Variants in DCHS2 observed in about 807,000 individuals in gnomAD.
DCHS2 encodes the protein dachsous cadherin-related 2.
DCHS2 carries 142 observed loss-of-function variants against 182.4 expected under a neutral mutation model. The ratio of observed to expected loss-of-function variants is 0.78; its 90% CI spans 0.68 to 0.89. DCHS2 has a LOEUF of 0.89. Ranked by LOEUF, DCHS2 falls within the 40% of genes least tolerant of loss-of-function variation. The pLI, the probability that DCHS2 is intolerant of heterozygous loss-of-function variation, is 0.00. For synonymous variants in DCHS2, 1,740 were observed against 1,663.3 expected (o/e 1.05, Z -1.12); for missense variants, 4,319 against 4,198.6 (o/e 1.03, Z -0.79).
intron 1 of DCHS2, among the ~76,000 whole-genome samples, chr4:154,465,074 T>C (rs564670071): frequency 6.6e-6 from 1 of 152,340 alleles, no homozygotes; most frequent in East Asian, 1.9e-4. Context: ...CCAAATTTAG[T>C]GGCTTAAAAC....
At chr4:154,407,899 A>G (rs1486221332) in intron 1 of DCHS2, among the ~76,000 whole-genome samples, 1 of 152,050 alleles carries the variant, frequency 6.6e-6, no homozygotes, top group East Asian at 1.9e-4. Context: ...CTCTTTTTTC[A>G]TGACCCCTTT....
rs371079845 is a variant in DCHS2, at chr4:154,298,189, G to A, written c.6125C>T (p.Pro2042Leu). The change falls in exon 13 of 20, where the codon CCT (proline) becomes CTT (leucine). Residue 2042 changes from proline (P) to leucine (L), a missense_variant. Physicochemically the swap from Pro to Leu is moderately conservative, Grantham distance 98 (BLOSUM62 -3). Coordinates refer to ENST00000357232, the MANE Select transcript of DCHS2 (RefSeq NM_001358235.2). ...NDNDPVLEQNPFDVFLSPESP... is the reference protein window; with the variant it reads ...NDNDPVLEQNLFDVFLSPESP... Reference sequence around the variant, plus strand: ...CTCGGGGGAAAGAAACACATCAAAAGGGTTCTGTTCCAAAACTGGATCATT... The same window carrying A: ...CTCGGGGGAAAGAAACACATCAAAAAGGTTCTGTTCCAAAACTGGATCATT... 5 of 1,614,086 alleles carry A rather than the reference G, an allele frequency of 3.1e-6. No individual in the cohort carries two copies. The highest frequency in any genetic ancestry group is 4.2e-6 in the Non-Finnish European group (5 of 1,179,994).
chr4:154,292,489 T>C (rs1734713219), intron 13 of DCHS2, among the ~76,000 whole-genome samples: 1 of 152,204 alleles, frequency 6.6e-6, no homozygotes, highest in Non-Finnish European at 1.5e-5. Context: ...CACAGCTGAC[T>C]CCAGAATTCA....
Position 154,366,300 on chromosome 4 carries a change from T to C in DCHS2, c.2386A>G (p.Thr796Ala). ...CCATATATCCCAGAGTCCTGGTCAG[T>C]GGCAAGAACATTGATGATCTCGGTG... Reference protein sequence around the residue: ...PGTEIINVLATDQDSGIYGTV... With the variant: ...PGTEIINVLAADQDSGIYGTV... The change falls in exon 3 of 20, where the codon ACT becomes GCT. Residue 796 changes from threonine to alanine, a missense_variant. Coordinates refer to ENST00000357232, the MANE Select transcript of DCHS2 (RefSeq NM_001358235.2). 1 of 1,613,804 alleles carries C rather than the reference T, an allele frequency of 6.2e-7. No homozygotes were observed. The highest frequency in any genetic ancestry group is 8.5e-7 in the Non-Finnish European group (1 of 1,179,924).
At chr4:154,275,792 G>T (rs1054036175) in intron 13 of DCHS2, among the ~76,000 whole-genome samples, 5 of 152,078 alleles carry the variant, frequency 3.3e-5, no homozygotes, top group Admixed American at 6.6e-5. Flanking sequence ...AATTACAAAA[G>T]AAAACATAGT....
chr4:154,333,762 C>A, intron 4 of DCHS2: 32 of 424,854 alleles, frequency 7.5e-5, no homozygotes, highest in Non-Finnish European at 1.1e-4. Flanking sequence ...AGCCTAGGAG[C>A]AATCGACTGT....
At chr4:154,464,342 G>A (rs1054584480) in intron 1 of DCHS2, among the ~76,000 whole-genome samples, 1 of 152,116 alleles carries the variant, frequency 6.6e-6, no homozygotes, top group Admixed American at 6.6e-5. Flanking sequence ...GATTACACAA[G>A]ATTCCTGATT....
At chr4:154,288,800 A>G (rs1388003820) in intron 13 of DCHS2, among the ~76,000 whole-genome samples, 1 of 152,184 alleles carries the variant, frequency 6.6e-6, no homozygotes, top group African/African-American at 2.4e-5. Flanking sequence ...ACACATGAAA[A>G]TTAAACAATA....
chr4:154,326,250 A>T (rs1736278662), intron 7 of DCHS2, among the ~76,000 whole-genome samples: 1 of 152,136 alleles, frequency 6.6e-6, no homozygotes, highest in African/African-American at 2.4e-5. Flanking sequence ...CTTTTCTTTG[A>T]GTTGTCTGTT....
In DCHS2 at chr4:154,259,776, G is replaced by GA. The variant is rs758924899; in HGVS notation, c.6578-21dup. 17 of 1,571,762 alleles carry GA rather than the reference G, an allele frequency of 1.1e-5. No individual in the cohort carries two copies. The highest frequency in any genetic ancestry group is 1.7e-4 in the Middle Eastern group (1 of 5,854). ...GTTGTCCTATTTTTATTTCCAAGGA[G>GA]AAAAAAAAGAAAATGATGTTGTAGT... is the stretch of plus-strand genomic sequence containing the variant. On this transcript the variant is annotated intron_variant, in intron 14 of 19. Coordinates refer to ENST00000357232, the MANE Select transcript of DCHS2 (RefSeq NM_001358235.2).
intron 1 of DCHS2, among the ~76,000 whole-genome samples, chr4:154,463,736 C>G (rs1735119774): frequency 6.6e-6 from 1 of 151,880 alleles, no homozygotes; most frequent in Non-Finnish European, 1.5e-5. Context: ...CTGTCTCTCT[C>G]TCCCTCCTTC....
intron 13 of DCHS2, among the ~76,000 whole-genome samples, chr4:154,286,670 A>G (rs765835284): frequency 2.0e-5 from 3 of 152,100 alleles, no homozygotes; most frequent in Non-Finnish European, 4.4e-5. Flanking sequence ...AGGAGACAAA[A>G]GAAAAAAGGA....
rs541333935 is a variant in DCHS2, at chr4:154,329,399, C to T, written c.3918+124G>A. On this transcript the variant is annotated intron_variant, in intron 6 of 19. Coordinates refer to ENST00000357232, the MANE Select transcript of DCHS2 (RefSeq NM_001358235.2). ...AACATGTGCACAGTATCTAGGTCTTCTAGAAAAAGTATGCTTTGCCACACC... is the reference window on the plus strand; with the variant it reads ...AACATGTGCACAGTATCTAGGTCTTTTAGAAAAAGTATGCTTTGCCACACC... 1.0e-4 allele frequency: 99 copies of T among 994,322 alleles called. No homozygotes were observed. In the African/African-American group the frequency reaches 1.3e-3, roughly 13 times the overall value. 61.6% of individuals were successfully genotyped at this position (994,322 alleles called of 1,614,324 possible).
At chr4:154,329,733 A>C (rs1199332106) in intron 5 of DCHS2, 23 bp from the exon 6 acceptor site, 2 of 1,594,896 alleles carry the variant, frequency 1.3e-6, no homozygotes, top group East Asian at 4.5e-5. Flanking sequence ...GAGCAGAACA[A>C]GACACAGGCA....
intron 13 of DCHS2, among the ~76,000 whole-genome samples, chr4:154,291,324 C>G (rs527973070): frequency 3.3e-5 from 5 of 151,986 alleles, no homozygotes; most frequent in African/African-American, 9.6e-5. Context: ...AAAGGGGAAT[C>G]CTTATACGCT....
chr4:154,265,202 C>T (rs1189339163), intron 14 of DCHS2, among the ~76,000 whole-genome samples: 1 of 152,050 alleles, frequency 6.6e-6, no homozygotes, highest in Non-Finnish European at 1.5e-5. Context: ...TACACCAGCA[C>T]CGTCAGGAAA....
intron 1 of DCHS2, among the ~76,000 whole-genome samples, chr4:154,381,424 G>T (rs1330169567): frequency 6.6e-6 from 1 of 152,032 alleles, no homozygotes; most frequent in African/African-American, 2.4e-5. Context: ...CACAGTACGG[G>T]AAGTCCTAGC....
At chr4:154,425,908 A>T (rs1733305131) in intron 1 of DCHS2, among the ~76,000 whole-genome samples, 2 of 152,150 alleles carry the variant, frequency 1.3e-5, no homozygotes, top group Admixed American at 6.5e-5. Context: ...ATCACACTCA[A>T]TTTTACTGTT....
At chr4:154,373,743 T>C (rs746480144) in intron 2 of DCHS2, 1 of 534,716 alleles carries the variant, frequency 1.9e-6, no homozygotes, top group Non-Finnish European at 3.3e-6. Context: ...CCTGTCTGGA[T>C]CTCCATTCAG....
Sources: gnomAD v4.1 joint callset for allele counts (sites outside exome capture counted in the v4.1 genomes callset) on GRCh38, gnomAD v4.1.1 for gene constraint, MANE v1.5 for transcripts, NCBI Gene and HGNC (gene_info 2026-07-23, HGNC 2026-07-21) for gene names.